NME7: variants seen among roughly 807,000 people sequenced by gnomAD.
The protein encoded by NME7 is NME/NM23 family member 7.
NME7 carries 41 observed loss-of-function variants against 49.1 expected under a neutral mutation model. The observed-to-expected ratio is 0.83, with a 90% CI of 0.65 to 1.08. NME7 has a LOEUF of 1.08. NME7 is among the 50% of genes least tolerant of loss of function. The pLI, the probability that NME7 is intolerant of heterozygous loss-of-function variation, is 0.00. For missense variants in NME7, 423 were observed against 463.4 expected (o/e 0.91, Z 0.80); for synonymous variants, 139 against 150.6 (o/e 0.92, Z 0.56).
At chr1:169,251,221 T>C (rs1051758415) in intron 7 of NME7, among the ~76,000 whole-genome samples, 10 of 152,144 alleles carry the variant, frequency 6.6e-5, no homozygotes, top group Admixed American at 2.6e-4. Context: ...TTTATCATCA[T>C]ATAATGACCT....
intron 3 of NME7, among the ~76,000 whole-genome samples, chr1:169,311,998 GAC>G (rs1158910073): frequency 1.3e-5 from 2 of 152,190 alleles, no homozygotes; most frequent in Non-Finnish European, 2.9e-5. Context: ...TAAAAATAAA[GAC>G]AGCACATGAA....
At chr1:169,292,402 G>A (rs1650540669) in intron 6 of NME7, among the ~76,000 whole-genome samples, 5 of 152,140 alleles carry the variant, frequency 3.3e-5, no homozygotes. Flanking sequence ...CACATACCAT[G>A]AGAAAATACT....
chr1:169,214,729 T>C (rs1347710683), intron 10 of NME7, among the ~76,000 whole-genome samples: 2 of 152,218 alleles, frequency 1.3e-5, no homozygotes, highest in African/African-American at 4.8e-5. Context: ...CAATGCCTTG[T>C]GGGAGGGCAT....
chr1:169,246,956 T>C (rs1648345706), intron 7 of NME7: 1 of 440,328 alleles, frequency 2.3e-6, no homozygotes, highest in Non-Finnish European at 4.5e-6. Context: ...TGCAATTAAG[T>C]GAGTAGAAAA....
intron 10 of NME7, among the ~76,000 whole-genome samples, chr1:169,201,126 C>T (rs965281896): frequency 2.0e-5 from 3 of 151,916 alleles, no homozygotes; most frequent in African/African-American, 7.3e-5. Flanking sequence ...AGCTACTTGG[C>T]AGGCTGAGGC....
chr1:169,230,570 T>A, intron 10 of NME7, 148 bp downstream of exon 10: 1 of 446,292 alleles, frequency 2.2e-6, no homozygotes, highest in Non-Finnish European at 4.0e-6. Flanking sequence ...TAAAAATAAA[T>A]TTTATGAAGT....
chr1:169,323,727 G>A (rs774817746), intron 2 of NME7, among the ~76,000 whole-genome samples: 1 of 150,554 alleles, frequency 6.6e-6, no homozygotes, highest in Non-Finnish European at 1.5e-5. Flanking sequence ...TTGACTTTTT[G>A]TAGCAATAAC....
intron 1 of NME7, 119 bp downstream of exon 1, chr1:169,367,589 A>C (rs1270989706): frequency 1.8e-6 from 2 of 1,105,348 alleles, no homozygotes; most frequent in African/African-American, 3.1e-5. Flanking sequence ...AGGGGGAAAG[A>C]GATAACGGGG....
intron 1 of NME7, among the ~76,000 whole-genome samples, chr1:169,366,694 G>C (rs1349781825): frequency 6.6e-6 from 1 of 152,166 alleles, no homozygotes; most frequent in African/African-American, 2.4e-5. Context: ...GTGTAGGTTG[G>C]GGGCATGAGG....
intron 3 of NME7, 101 bp downstream of exon 3, chr1:169,323,016 C>T (rs956095893): frequency 1.9e-5 from 17 of 887,634 alleles, no homozygotes; most frequent in Non-Finnish European, 2.5e-5. Flanking sequence ...TTTTCCAGGT[C>T]CTATCCATCC....
intron 4 of NME7, 188 bp from the exon 5 acceptor site, chr1:169,303,383 C>A: frequency 7.7e-6 from 2 of 258,246 alleles, no homozygotes. Context: ...TGAGTAATAT[C>A]AATGTAAATA....
At chr1:169,154,478 A>G (rs1160944206) in intron 11 of NME7, among the ~76,000 whole-genome samples, 2 of 152,166 alleles carry the variant, frequency 1.3e-5, no homozygotes, top group African/African-American at 4.8e-5. Context: ...GAAGAACTCA[A>G]TATTATAAAA....
rs376905231 is a variant in NME7, at chr1:169,257,800, T to C, written c.755-20113A>G. 3.1e-4 allele frequency among the ~76,000 whole-genome samples: 41 copies of C among 134,228 alleles called. 6 individuals carry two copies. The East Asian group carries it at 5.2e-3, about 17-fold the overall frequency. 88.1% of individuals were successfully genotyped at this position (134,228 alleles called of 152,430 possible). On this transcript the variant is annotated intron_variant, in intron 7 of 11. Coordinates refer to ENST00000367811, the MANE Select transcript of NME7 (RefSeq NM_013330.5). Reference sequence around the variant, plus strand: ...CTCCTTCATTTACAAAACTTAGTTTTGTTCTGGATACAAAATTCTTGACTG... The same window carrying C: ...CTCCTTCATTTACAAAACTTAGTTTCGTTCTGGATACAAAATTCTTGACTG...
chr1:169,154,977 A>C (rs910550714), intron 11 of NME7, among the ~76,000 whole-genome samples: 3 of 151,938 alleles, frequency 2.0e-5, no homozygotes, highest in South Asian at 4.1e-4. Context: ...AATTTAAAAA[A>C]ATTTTTTTTT....
intron 10 of NME7, among the ~76,000 whole-genome samples, chr1:169,201,515 A>G (rs1463060483): frequency 6.6e-6 from 1 of 152,110 alleles, no homozygotes; most frequent in Non-Finnish European, 1.5e-5. Flanking sequence ...AATCTCAATT[A>G]AGGTAGGGGA....
At chr1:169,158,823 T>C (rs967096549) in intron 11 of NME7, among the ~76,000 whole-genome samples, 1 of 152,114 alleles carries the variant, frequency 6.6e-6, no homozygotes, top group African/African-American at 2.4e-5. Flanking sequence ...GCAGCTGTTC[T>C]GGAGCAGGGG....
chr1:169,167,769 C>T (rs1217400045), intron 11 of NME7, among the ~76,000 whole-genome samples: 1 of 152,122 alleles, frequency 6.6e-6, no homozygotes, highest in Non-Finnish European at 1.5e-5. Context: ...ATAATGAATA[C>T]CAGCCTATTG....
At chr1:169,337,459 C>T (rs1259840663) in intron 1 of NME7, among the ~76,000 whole-genome samples, 2 of 152,188 alleles carry the variant, frequency 1.3e-5, no homozygotes, top group Non-Finnish European at 2.9e-5. Flanking sequence ...TCACGCCTCT[C>T]CCTCCACACC....
chr1:169,136,464 G>A (rs4656651), intron 11 of NME7, among the ~76,000 whole-genome samples: 67,351 of 152,002 alleles, frequency 0.44, 15,370 homozygotes, highest in East Asian at 0.79. Context: ...TGAGCCACCT[G>A]CTATGTACCC....
Sources: gnomAD v4.1 joint callset for allele counts (sites outside exome capture counted in the v4.1 genomes callset) on GRCh38, gnomAD v4.1.1 for gene constraint, MANE v1.5 for transcripts, NCBI Gene and HGNC (gene_info 2026-07-23, HGNC 2026-07-21) for gene names.